MESP1: variants seen among roughly 807,000 people sequenced by gnomAD.
MESP1 encodes the protein mesoderm posterior protein 1.
MESP1 carries 22 observed loss-of-function variants against 15.2 expected under a neutral mutation model. That is an observed-to-expected ratio of 1.45 (90% confidence interval 1.04 to 2.07). MESP1 has a LOEUF of 2.07. Ranked by LOEUF, MESP1 falls within the 30% of genes most tolerant of loss-of-function variation. MESP1 has a pLI of 0.00. For missense variants in MESP1, 484 were observed against 411.9 expected, an observed-to-expected ratio of 1.17 and a Z score of -1.51; for synonymous variants, 216 against 192.6, an observed-to-expected ratio of 1.12 and a Z score of -1.01.
At chr15:89,740,327 G>C in the MESP1 span, among the ~76,000 whole-genome samples, 2 of 152,150 alleles carry the variant, frequency 1.3e-5, no homozygotes, top group South Asian at 2.1e-4. Flanking sequence ...GGGTCGCTGG[G>C]AGGCTCTCGG....
chr15:89,744,836 A>G, the MESP1 span, among the ~76,000 whole-genome samples: 1 of 152,142 alleles, frequency 6.6e-6, no homozygotes, highest in Non-Finnish European at 1.5e-5. Flanking sequence ...TTCCCCCTTC[A>G]GGCAGGCCTT....
chr15:89,741,054 T>C, the MESP1 span, among the ~76,000 whole-genome samples: 7 of 152,010 alleles, frequency 4.6e-5, no homozygotes, highest in South Asian at 2.1e-4. Flanking sequence ...GTAGGAGAAT[T>C]GCTTGAACTC....
At position 89,750,192 on chromosome 15, in the gene MESP1, G is replaced by C. The variant is rs200987000; in HGVS notation, c.759C>G (p.Thr253=). The change falls in exon 2 of 2, where the codon ACC becomes ACG. Residue 253 remains threonine, a synonymous_variant. Coordinates refer to ENST00000300057, the MANE Select transcript of MESP1 (RefSeq NM_018670.4). ...ACTCCAGAGGCGAGAGGGGCATCCA[G>C]GTCTCCAACAGAGCCAGCACGTCGC... is the stretch of plus-strand genomic sequence containing the variant. ...LPGDVLALLE[T]WMPLSPLEWL... 123 of 1,614,096 alleles carry C rather than the reference G, an allele frequency of 7.6e-5. 1 individual carries two copies. The East Asian group carries it at 1.5e-3, about 19-fold the overall frequency.
the MESP1 span, among the ~76,000 whole-genome samples, chr15:89,742,690 C>A: frequency 6.6e-6 from 1 of 152,134 alleles, no homozygotes; most frequent in African/African-American, 2.4e-5. Flanking sequence ...CGTGCCACCA[C>A]GCCTGGCAAG....
chr15:89,739,462 A>T, the MESP1 span, among the ~76,000 whole-genome samples: 1 of 150,774 alleles, frequency 6.6e-6, no homozygotes, highest in Non-Finnish European at 1.5e-5. Context: ...TCCTCTTTCC[A>T]CTCTCCCTAA....
chr15:89,734,866 T>C, the MESP1 span, among the ~76,000 whole-genome samples: 1 of 152,098 alleles, frequency 6.6e-6, no homozygotes, highest in Non-Finnish European at 1.5e-5. Context: ...ATTAACCACA[T>C]TTGTATGACT....
the MESP1 span, among the ~76,000 whole-genome samples, chr15:89,736,793 CTTT>C: frequency 3.1e-5 from 4 of 130,522 alleles, no homozygotes; most frequent in Non-Finnish European, 6.6e-5. Context: ...TCAAAGGGGG[CTTT>C]TTTTTTTTTT....
At chr15:89,732,910 A>C in the MESP1 span, 1 of 1,179,754 alleles carries the variant, frequency 8.5e-7, no homozygotes, top group African/African-American at 1.5e-5. Context: ...TTCACATCCT[A>C]CAAGTCCCTC....
chr15:89,737,731 T>C, the MESP1 span: 5 of 1,613,990 alleles, frequency 3.1e-6, no homozygotes, highest in African/African-American at 6.7e-5. Flanking sequence ...TGCTCCGAGG[T>C]ACAGAAAGGG....
the MESP1 span, among the ~76,000 whole-genome samples, chr15:89,741,997 C>T: frequency 2.0e-5 from 3 of 152,156 alleles, no homozygotes; most frequent in African/African-American, 4.8e-5. Context: ...GTGATCCACC[C>T]GCCTTGGCCT....
downstream of MESP1, among the ~76,000 whole-genome samples, chr15:89,747,765 C>A (rs1237815130): frequency 6.6e-6 from 1 of 152,252 alleles, no homozygotes; most frequent in Non-Finnish European, 1.5e-5. Context: ...CGCTCCTGTT[C>A]TTAAAGTGGC....
chr15:89,750,896 G>A lies in MESP1; in HGVS notation c.336C>T (p.Ser112=). The change falls in exon 1 of 2, where the codon TCC becomes TCT. Residue 112 remains serine, a synonymous_variant. Transcript: ENST00000300057. The stretch of plus-strand genomic sequence containing the variant: ...TCAGGCTCTGGCCCGCGGGCGCCAC[G>A]GACGGCGGTAGAAAGCGGCGCAGCT... ...LHELRRFLPP[S]VAPAGQSLTK... is the part of the protein sequence containing the mutation. 1.3e-6 allele frequency: 2 copies of A among 1,494,002 alleles called. No homozygotes were observed. Among genetic ancestry groups the A allele is most frequent in the Non-Finnish European group, 8.9e-7 (1 of 1,127,940 alleles). The allele number at this position is 1,494,002 out of a possible 1,614,324, so 92.5% of individuals were successfully genotyped here. A position where few individuals can be genotyped will look rare whatever the true frequency, so the allele number is the denominator to read the frequency against.
Position 89,750,047 on chromosome 15 carries a change from C to A in MESP1, c.*97G>T, listed in dbSNP as rs78474100. On this transcript the variant is annotated 3_prime_UTR_variant, in exon 2 of 2. Transcript: ENST00000300057. ...AATGCCCCCGTCGGGATCGCCCGTG[C>A]CCTCTTCCAGGAAAGGCAGTCTGCC... 4 of 1,231,654 alleles carry A rather than the reference C, an allele frequency of 3.2e-6. No homozygotes were observed. The highest frequency in any genetic ancestry group is 4.8e-6 in the Non-Finnish European group (4 of 835,766). The allele number at this position is 1,231,654 out of a possible 1,614,324, so 76.3% of individuals were successfully genotyped here. A position where few individuals can be genotyped will look rare whatever the true frequency, so the allele number is the denominator to read the frequency against.
chr15:89,737,675 C>T, the MESP1 span: 7 of 1,614,064 alleles, frequency 4.3e-6, no homozygotes, highest in Non-Finnish European at 4.2e-6. Context: ...TCTGGAGGTC[C>T]CCTGGAAGCC....
chr15:89,741,283 T>C, the MESP1 span, among the ~76,000 whole-genome samples: 1 of 152,198 alleles, frequency 6.6e-6, no homozygotes, highest in Non-Finnish European at 1.5e-5. Context: ...CAGGCTGGAG[T>C]GCAGTGGTGC....
At chr15:89,743,231 G>C in the MESP1 span, 1 of 1,570,116 alleles carries the variant, frequency 6.4e-7, no homozygotes, top group Non-Finnish European at 8.8e-7. Flanking sequence ...GTCTGCCCTG[G>C]GGGCTCGGGA....
the MESP1 span, among the ~76,000 whole-genome samples, chr15:89,744,358 C>G: frequency 6.6e-6 from 1 of 152,310 alleles, no homozygotes; most frequent in South Asian, 2.1e-4. Context: ...TGGCCCTCTC[C>G]ACACCCCACC....
At position 89,750,208 on chromosome 15, in the gene MESP1, A is replaced by G. The variant is rs1567140926; in HGVS notation, c.743T>C (p.Leu248Pro). The change falls in exon 2 of 2, where the codon CTG becomes CCG. Residue 248 changes from leucine to proline, a missense_variant. Transcript: ENST00000300057. ...PPSPLLPGDV[L>P]ALLETWMPLS... ...GGGCATCCAGGTCTCCAACAGAGCC[A>G]GCACGTCGCCCGGAAGGAGCTGTAG... is the stretch of plus-strand genomic sequence containing the variant. 2 of 1,614,084 alleles carry G rather than the reference A, an allele frequency of 1.2e-6. No individual in the cohort carries two copies. Among genetic ancestry groups the G allele is most frequent in the Middle Eastern group, 1.6e-4 (1 of 6,062 alleles).
chr15:89,733,362 C>T, the MESP1 span: 2 of 752,994 alleles, frequency 2.7e-6, no homozygotes, highest in East Asian at 2.7e-5. Context: ...TGAAGATCAC[C>T]AATGTCACAT....
Sources: allele counts gnomAD v4.1 joint callset (sites outside exome capture counted in the v4.1 genomes callset), GRCh38; gene constraint gnomAD v4.1.1; transcripts MANE v1.5; gene names NCBI Gene and HGNC (gene_info 2026-07-23, HGNC 2026-07-21).